Variants in DLG2 observed in about 807,000 individuals in gnomAD.
The protein encoded by DLG2 is disks large homolog 2.
In DLG2, 45 loss-of-function variants were observed where a neutral mutation model predicts 132.5. The ratio of observed to expected loss-of-function variants is 0.34; its 90% CI spans 0.27 to 0.44. The LOEUF (loss-of-function observed/expected upper bound fraction) is 0.44, where lower values mean the gene tolerates loss of function less well. Among genes scored for constraint, DLG2 ranks in the 20% least tolerant of loss-of-function variants. The pLI is 1.00. For missense variants in DLG2, 1,045 were observed against 1,196.9 expected (o/e 0.87, Z 1.87); for synonymous variants, 424 against 419.6 (o/e 1.01, Z -0.13).
chr11:85,146,438 T>C (rs1294755916), intron 5 of DLG2, among the ~76,000 whole-genome samples: 1 of 152,102 alleles, frequency 6.6e-6, no homozygotes, highest in Non-Finnish European at 1.5e-5. Context: ...GGCTCTTTAG[T>C]CATCAGGTGG....
intron 6 of DLG2, among the ~76,000 whole-genome samples, chr11:84,627,791 G>C (rs574889328): frequency 1.3e-5 from 2 of 152,146 alleles, no homozygotes; most frequent in Non-Finnish European, 2.9e-5. Context: ...AACAGGAGCA[G>C]GTACTTCACA....
intron 15 of DLG2, among the ~76,000 whole-genome samples, chr11:83,877,197 CA>C (rs1205627227): frequency 2.6e-5 from 4 of 152,086 alleles, no homozygotes; most frequent in Non-Finnish European, 5.9e-5. Context: ...ACTTTTAAAA[CA>C]CCCTAACAAT....
At chr11:84,613,007 A>T (rs2099598043) in intron 6 of DLG2, among the ~76,000 whole-genome samples, 1 of 152,160 alleles carries the variant, frequency 6.6e-6, no homozygotes, top group Non-Finnish European at 1.5e-5. Context: ...GAACCTCACG[A>T]ATTTCTAAAT....
intron 3 of DLG2, among the ~76,000 whole-genome samples, chr11:85,457,737 T>C (rs546378840): frequency 1.4e-4 from 22 of 152,332 alleles, no homozygotes; most frequent in African/African-American, 5.3e-4. Context: ...AAAATTATTT[T>C]CCTTAAGAAT....
Position 84,321,798 on chromosome 11 carries a change from T to TACTC in DLG2, c.520-70511_520-70508dup, listed in dbSNP as rs1223910287. Among the ~76,000 whole-genome samples the TACTC allele has an allele frequency of 2.0e-5, 3 of 152,310 alleles. No individual in the cohort carries two copies. The East Asian group carries it at 5.8e-4, about 29-fold the overall frequency. On this transcript the variant is annotated intron_variant, in intron 7 of 27. Transcript: ENST00000376104. ...ACCAGATTGCCATCCAGATCTCTTT[T>TACTC]ACTCAGAAATTCTGGTGTCTTCCCT...
At chr11:84,705,599 C>A (rs2059701807) in intron 6 of DLG2, among the ~76,000 whole-genome samples, 2 of 151,706 alleles carry the variant, frequency 1.3e-5, no homozygotes, top group Admixed American at 1.3e-4. Context: ...ATTATGTTTA[C>A]AGACATTCAT....
rs527538692 is a variant in DLG2, at chr11:85,266,438, A to G, written c.186+18782T>C. Among the ~76,000 whole-genome samples, 15 of 152,276 alleles carry G rather than the reference A, an allele frequency of 9.9e-5. No individual in the cohort carries two copies. In the East Asian group the frequency reaches 2.7e-3, roughly 27 times the overall value. On this transcript the variant is annotated intron_variant, in intron 4 of 27. Coordinates refer to ENST00000376104, the MANE Select transcript of DLG2 (RefSeq NM_001142699.3). ...AACACATAGACACAGGGAGGGGAAC[A>G]TCACACAGTAGGGCCTGTTGGGGGA...
chr11:83,692,803 A>T (rs2081214663), intron 18 of DLG2: 1 of 152,198 alleles, frequency 6.6e-6, no homozygotes, highest in South Asian at 2.1e-4. Flanking sequence ...CTACCCTAAA[A>T]ATTAGGTGTG....
intron 15 of DLG2, among the ~76,000 whole-genome samples, chr11:83,921,150 G>A (rs2077810192): frequency 6.6e-6 from 1 of 152,092 alleles, no homozygotes; most frequent in African/African-American, 2.4e-5. Context: ...TTGCTGTGGA[G>A]ATTAATGAGT....
intron 7 of DLG2, among the ~76,000 whole-genome samples, chr11:84,254,161 C>T (rs183250979): frequency 6.6e-6 from 1 of 152,138 alleles, no homozygotes; most frequent in Non-Finnish European, 1.5e-5. Context: ...TCTTGTATTT[C>T]CCCATATTTT....
chr11:84,779,995 T>C (rs2071425507), intron 6 of DLG2, among the ~76,000 whole-genome samples: 1 of 151,852 alleles, frequency 6.6e-6, no homozygotes, highest in East Asian at 1.9e-4. Flanking sequence ...CCTAAAATCG[T>C]TCAAATCAAA....
intron 6 of DLG2, among the ~76,000 whole-genome samples, chr11:85,084,277 C>T (rs569956171): frequency 3.9e-5 from 6 of 152,198 alleles, no homozygotes; most frequent in East Asian, 1.9e-4. Flanking sequence ...AAACCTAGCA[C>T]ACGAGGTATG....
At chr11:83,692,538 T>A (rs1453930363) in intron 18 of DLG2, among the ~76,000 whole-genome samples, 2 of 152,038 alleles carry the variant, frequency 1.3e-5, no homozygotes, top group Admixed American at 1.3e-4. Flanking sequence ...CTTTTGGAGA[T>A]GATGAAAATG....
At chr11:83,711,598 T>C (rs2085443067) in intron 18 of DLG2, among the ~76,000 whole-genome samples, 1 of 152,192 alleles carries the variant, frequency 6.6e-6, no homozygotes, top group African/African-American at 2.4e-5. Flanking sequence ...CCAAGGTAAC[T>C]ACCCAGCTAG....
intron 18 of DLG2, among the ~76,000 whole-genome samples, chr11:83,667,737 T>C (rs985169007): frequency 4.6e-5 from 7 of 151,964 alleles, no homozygotes; most frequent in African/African-American, 7.3e-5. Flanking sequence ...CCCAGCACTT[T>C]GGGAGGCCGA....
chr11:84,851,836 CTATA>C (rs1486627975), intron 6 of DLG2, among the ~76,000 whole-genome samples: 1 of 151,324 alleles, frequency 6.6e-6, no homozygotes, highest in African/African-American at 2.4e-5. Flanking sequence ...AAATTATATT[CTATA>C]TATGTTAAAT....
At chr11:83,532,969 C>G (rs1227287306) in intron 20 of DLG2, among the ~76,000 whole-genome samples, 186 bp from the exon 21 acceptor site, 1 of 152,066 alleles carries the variant, frequency 6.6e-6, no homozygotes, top group Non-Finnish European at 1.5e-5. Flanking sequence ...CTAACATGTC[C>G]CTTGAAATTA....
At chr11:84,971,807 GA>G (rs2054138093) in intron 6 of DLG2, among the ~76,000 whole-genome samples, 1 of 151,932 alleles carries the variant, frequency 6.6e-6, no homozygotes, top group Admixed American at 6.6e-5. Flanking sequence ...CTGTTGTACT[GA>G]ATAAATTAAG....
intron 19 of DLG2, among the ~76,000 whole-genome samples, chr11:83,573,280 G>T (rs577321772): frequency 6.7e-4 from 102 of 152,218 alleles, no homozygotes; most frequent in Middle Eastern, 3.4e-3. Context: ...ACTGAAGTCA[G>T]ATTTCGGTCT....
Sources: allele counts gnomAD v4.1 joint callset (sites outside exome capture counted in the v4.1 genomes callset), GRCh38; gene constraint gnomAD v4.1.1; transcripts MANE v1.5; gene names NCBI Gene and HGNC (gene_info 2026-07-23, HGNC 2026-07-21).